COLEC11: variants seen among roughly 807,000 people sequenced by gnomAD.
The protein encoded by COLEC11 is collectin subfamily member 11, also known as collectin-11.
In COLEC11, 20 loss-of-function variants were observed where a neutral mutation model predicts 27.3. That is an observed-to-expected ratio of 0.73 (90% CI 0.51 to 1.06). The LOEUF is 1.06. Among genes scored for constraint, COLEC11 ranks in the 50% least tolerant of loss-of-function variants. COLEC11 has a pLI of 0.00. For missense variants in COLEC11, 310 were observed against 383.0 expected, an observed-to-expected ratio of 0.81 and a Z score of 1.59; for synonymous variants, 163 against 154.7, an observed-to-expected ratio of 1.05 and a Z score of -0.40.
At chr2:3,631,413 G>T (rs572538236) in intron 3 of COLEC11, among the ~76,000 whole-genome samples, 1 of 152,186 alleles carries the variant, frequency 6.6e-6, no homozygotes, top group East Asian at 1.9e-4. Context: ...TACTATCAGG[G>T]TGTTTAGACA....
chr2:3,596,778 G>GT (rs1286677443), intron 1 of COLEC11, among the ~76,000 whole-genome samples: 1 of 152,176 alleles, frequency 6.6e-6, no homozygotes, highest in Non-Finnish European at 1.5e-5. Context: ...TAAGGATGTT[G>GT]TTCTTAAAGA....
At chr2:3,610,918 C>G (rs1374702746) in intron 2 of COLEC11, among the ~76,000 whole-genome samples, 1 of 152,150 alleles carries the variant, frequency 6.6e-6, no homozygotes, top group Non-Finnish European at 1.5e-5. Flanking sequence ...GTCTTTAAAC[C>G]TGTTTTTCCC....
chr2:3,623,977 C>T (rs1306193944), intron 3 of COLEC11, among the ~76,000 whole-genome samples: 1 of 152,112 alleles, frequency 6.6e-6, no homozygotes, highest in Non-Finnish European at 1.5e-5. Context: ...GATTTCTTTA[C>T]AAAACAGCCT....
intron 2 of COLEC11, chr2:3,605,128 G>C (rs941166211): frequency 1.7e-5 from 8 of 468,072 alleles, no homozygotes; most frequent in Non-Finnish European, 3.5e-5. Context: ...GAGGCAACAG[G>C]TCCCCAAGCC....
At chr2:3,606,749 A>G (rs1662736421) in intron 2 of COLEC11, among the ~76,000 whole-genome samples, 1 of 152,356 alleles carries the variant, frequency 6.6e-6, no homozygotes, top group Admixed American at 6.5e-5. Context: ...AGAAGGATTC[A>G]GGATACCCAG....
chr2:3,618,490 C>T (rs1228677802), intron 3 of COLEC11, among the ~76,000 whole-genome samples: 2 of 152,114 alleles, frequency 1.3e-5, no homozygotes, highest in African/African-American at 2.4e-5. Flanking sequence ...CACTCATGGG[C>T]TTATTTCTGT....
At position 3,644,011 on chromosome 2, in the gene COLEC11, TACG is replaced by T. The variant is rs1183964971; in HGVS notation, c.714_716del (p.Asp238del). ...GCGCAGCGGTGAGCCCAACAATGCC[TACG>T]ACGAGGAGGACTGCGTGGAGATGGT... On this transcript the variant is annotated inframe_deletion, in exon 7 of 7. Transcript: ENST00000349077. 1 of 1,613,916 alleles carries T rather than the reference TACG, an allele frequency of 6.2e-7. No homozygotes were observed. The highest frequency in any genetic ancestry group is 1.3e-5 in the African/African-American group (1 of 74,956).
At chr2:3,622,513 A>T (rs1229522058) in intron 3 of COLEC11, among the ~76,000 whole-genome samples, 1 of 152,230 alleles carries the variant, frequency 6.6e-6, no homozygotes, top group Admixed American at 6.5e-5. Context: ...TTGAAACTTG[A>T]TCTTTAATGT....
intron 2 of COLEC11, among the ~76,000 whole-genome samples, chr2:3,608,659 GAAAACAA>G (rs1392003303): frequency 2.6e-5 from 4 of 151,990 alleles, no homozygotes; most frequent in East Asian, 1.9e-4. Flanking sequence ...CCCATCTCTG[GAAAACAA>G]AAAACAAAAA....
Position 3,644,341 on chromosome 2 carries a change from G to A in COLEC11, c.*223G>A, listed in dbSNP as rs1666114298. 2 of 697,772 alleles carry A rather than the reference G, an allele frequency of 2.9e-6. No homozygotes were observed. The highest frequency in any genetic ancestry group is 5.2e-6 in the Non-Finnish European group (2 of 385,876). 43.2% of individuals were successfully genotyped at this position (697,772 alleles called of 1,614,324 possible). A position where few individuals can be genotyped will look rare whatever the true frequency, so the allele number is the denominator to read the frequency against. The stretch of plus-strand genomic sequence containing the variant: ...CTGAAGAAGCAGAGTTTCATTACCT[G>A]TATTGTAGCCCCAATGTCATTATGT... On this transcript the variant is annotated 3_prime_UTR_variant, in exon 7 of 7. Coordinates refer to ENST00000349077, the MANE Select transcript of COLEC11 (RefSeq NM_024027.5).
At chr2:3,619,715 T>G (rs1664045137) in intron 3 of COLEC11, among the ~76,000 whole-genome samples, 1 of 152,176 alleles carries the variant, frequency 6.6e-6, no homozygotes, top group East Asian at 1.9e-4. Flanking sequence ...AACCTCCGCC[T>G]CCTGAGTTCA....
chr2:3,637,932 G>C (rs911076410), intron 4 of COLEC11, among the ~76,000 whole-genome samples: 1 of 152,216 alleles, frequency 6.6e-6, no homozygotes, highest in African/African-American at 2.4e-5. Context: ...AACAGACTTA[G>C]AGCCTCACGT....
chr2:3,608,352 A>G (rs1038130655), intron 2 of COLEC11, among the ~76,000 whole-genome samples: 3 of 152,198 alleles, frequency 2.0e-5, no homozygotes, highest in Admixed American at 1.3e-4. Context: ...TATGTAGTCA[A>G]TCATCCTGAA....
intron 5 of COLEC11, 127 bp downstream of exon 5, chr2:3,640,458 C>T: frequency 1.5e-6 from 1 of 683,432 alleles, no homozygotes. Flanking sequence ...CCACAGTGGA[C>T]ACCCACCCCC....
chr2:3,642,312 C>T (rs1007294746), intron 5 of COLEC11, among the ~76,000 whole-genome samples: 7 of 152,124 alleles, frequency 4.6e-5, no homozygotes, highest in Non-Finnish European at 7.3e-5. Flanking sequence ...GAGCAGCACG[C>T]GTGTGGTCAC....
intron 4 of COLEC11, 29 bp from the exon 5 acceptor site, chr2:3,640,249 G>C: frequency 6.8e-7 from 1 of 1,460,856 alleles, no homozygotes; most frequent in Non-Finnish European, 9.6e-7. Context: ...TCTCTGCCTG[G>C]TGACTTGGAC....
intron 4 of COLEC11, 152 bp from the exon 5 acceptor site, chr2:3,640,126 A>G (rs1009191857): frequency 3.0e-5 from 21 of 692,170 alleles, no homozygotes; most frequent in East Asian, 1.9e-4. Context: ...GGAAGCAGGA[A>G]TTACCTGCAG....
In COLEC11 at chr2:3,643,997, A is replaced by G; in HGVS notation, c.695A>G (p.Glu232Gly). 1.9e-6 allele frequency: 3 copies of G among 1,614,126 alleles called. No homozygotes were observed. Among genetic ancestry groups the G allele is most frequent in the Non-Finnish European group, 2.5e-6 (3 of 1,180,046 alleles). The change falls in exon 7 of 7, where the codon GAG becomes GGG. Residue 232 changes from glutamate (E) to glycine (G), a missense_variant. Physicochemically the swap from Glu to Gly is moderately conservative, Grantham distance 98. Coordinates refer to ENST00000349077, the MANE Select transcript of COLEC11 (RefSeq NM_024027.5). Reference protein sequence around the residue: ...MRTFNKWRSGEPNNAYDEEDC... With the variant: ...MRTFNKWRSGGPNNAYDEEDC... Reference sequence around the variant, plus strand: ...ACCTTCAACAAGTGGCGCAGCGGTGAGCCCAACAATGCCTACGACGAGGAG... The same window carrying G: ...ACCTTCAACAAGTGGCGCAGCGGTGGGCCCAACAATGCCTACGACGAGGAG...
Position 3,602,539 on chromosome 2 carries a change from G to A in COLEC11, c.-26-1776G>A, listed in dbSNP as rs547405266. ...CTGTCATCACCTCCACCCACACGTG[G>A]GGTCCAGCTGCCATCCTCGCCCGCT... is the stretch of plus-strand genomic sequence containing the variant. On this transcript the variant is annotated intron_variant, in intron 1 of 6. Coordinates refer to ENST00000349077, the MANE Select transcript of COLEC11 (RefSeq NM_024027.5). This position sits in a 1 kb window ranked among gnomAD's most constrained non-coding sequence, Gnocchi z 6.2. Among the ~76,000 whole-genome samples the A allele has an allele frequency of 1.2e-4, 18 of 152,132 alleles. No individual in the cohort carries two copies. Among genetic ancestry groups the A allele is most frequent in the Non-Finnish European group, 2.6e-4 (18 of 68,026 alleles).
Sources: gnomAD v4.1 joint callset for allele counts (sites outside exome capture counted in the v4.1 genomes callset) on GRCh38, gnomAD v4.1.1 for gene constraint, Gnocchi (gnomAD v3.1) non-coding constraint, MANE v1.5 for transcripts, NCBI Gene and HGNC (gene_info 2026-07-23, HGNC 2026-07-21) for gene names.